CAMTA1: variants seen among roughly 807,000 people sequenced by gnomAD.
CAMTA1 encodes calmodulin binding transcription activator 1, also known as calmodulin-binding transcription activator 1.
In CAMTA1, 27 loss-of-function variants were observed where a neutral mutation model predicts 170.9. That is an observed-to-expected ratio of 0.16 (90% CI 0.12 to 0.22). CAMTA1 has a LOEUF of 0.22. Ranked by LOEUF, CAMTA1 falls within the 10% of genes least tolerant of loss-of-function variation. The pLI is 1.00. For synonymous variants in CAMTA1, 833 were observed against 891.5 expected, an observed-to-expected ratio of 0.93 and a Z score of 1.17; for missense variants, 1,619 against 2,217.2, an observed-to-expected ratio of 0.73 and a Z score of 5.42.
At chr1:6,806,636 A>G (rs1644539887) in intron 1 of CAMTA1, among the ~76,000 whole-genome samples, 2 of 152,218 alleles carry the variant, frequency 1.3e-5, no homozygotes, top group African/African-American at 2.4e-5. Context: ...GAGAGCAAAC[A>G]GCTCTTCCAC....
chr1:6,862,165 G>A (rs1664959486), intron 3 of CAMTA1, among the ~76,000 whole-genome samples: 1 of 152,132 alleles, frequency 6.6e-6, no homozygotes, highest in African/African-American at 2.4e-5. Context: ...ATTTCACCAT[G>A]TTGGCCATGG....
rs941197346 is a variant in CAMTA1, at chr1:7,268,243, A to G, written c.438+18617A>G. On this transcript the variant is annotated intron_variant, in intron 5 of 22. Transcript: ENST00000303635. ...GAGACAAATGGAATCCATAGGGTAG[A>G]GTGCTGAAGAGTACAGAGGAGAAGG... 1.2e-4 allele frequency among the ~76,000 whole-genome samples: 15 copies of G among 126,038 alleles called. 1 individual carries two copies. The highest frequency in any genetic ancestry group is 2.3e-4 in the Non-Finnish European group (14 of 60,962). 82.7% of individuals were successfully genotyped at this position (126,038 alleles called of 152,430 possible).
chr1:7,704,758 C>A (rs958114367), intron 11 of CAMTA1, among the ~76,000 whole-genome samples: 9 of 147,744 alleles, frequency 6.1e-5, no homozygotes, highest in South Asian at 2.1e-4. Context: ...GCGAGTCGTT[C>A]CAGCTGCGGC....
chr1:7,508,689 T>C lies in CAMTA1; in HGVS notation c.510+40788T>C, dbSNP rs112604307. 7.0e-4 allele frequency among the ~76,000 whole-genome samples: 101 copies of C among 143,614 alleles called. 1 individual carries two copies. Among genetic ancestry groups the C allele is most frequent in the African/African-American group, 2.6e-3 (98 of 38,282 alleles). The allele number at this position is 143,614 out of a possible 152,430, so 94.2% of individuals were successfully genotyped here. ...GGGAGGAGGAAAGTGGGGCAAGAGA[T>C]GAAGAATGGAAGGAGGTTAGGAAGG... On this transcript the variant is annotated intron_variant, in intron 6 of 22. Transcript: ENST00000303635.
intron 5 of CAMTA1, among the ~76,000 whole-genome samples, chr1:7,451,649 C>G (rs1404635744): frequency 6.6e-6 from 1 of 152,110 alleles, no homozygotes; most frequent in Non-Finnish European, 1.5e-5. Context: ...AGGGAGGCCT[C>G]CCTTCCTCCT....
intron 3 of CAMTA1, among the ~76,000 whole-genome samples, chr1:7,073,639 A>G (rs1638928708): frequency 6.6e-6 from 1 of 152,218 alleles, no homozygotes. Flanking sequence ...CAATGAGGAG[A>G]GAGGGTTATC....
chr1:7,382,869 T>C (rs2149075999), intron 5 of CAMTA1: 1 of 146,752 alleles, frequency 6.8e-6, no homozygotes, highest in South Asian at 2.3e-4. Flanking sequence ...GATAGATAGA[T>C]AGATATTCCT....
intron 3 of CAMTA1, among the ~76,000 whole-genome samples, chr1:6,884,411 C>T (rs1378870854): frequency 6.6e-6 from 1 of 151,064 alleles, no homozygotes; most frequent in Non-Finnish European, 1.5e-5. Flanking sequence ...TATTTTTTAG[C>T]CTCGTAGGCC....
At position 6,820,235 on chromosome 1, in the gene CAMTA1, G is replaced by T; in HGVS notation, c.100G>T (p.Val34Leu). 6.2e-7 allele frequency: 1 copy of T among 1,613,940 alleles called. No homozygotes were observed. The highest frequency in any genetic ancestry group is 8.5e-7 in the Non-Finnish European group (1 of 1,179,854). The change falls in exon 2 of 23, where the codon GTG becomes TTG. Residue 34 changes from valine to leucine, a missense_variant. Coordinates refer to ENST00000303635, the MANE Select transcript of CAMTA1 (RefSeq NM_015215.4). ...TAGCACCTACTGTGTTCTCAACACC[G>T]TGCCACCTATAGAAGGTAGGATTTG... ...GTSTYCVLNT[V>L]PPIEDDHGNS...
intron 4 of CAMTA1, among the ~76,000 whole-genome samples, chr1:7,221,928 T>TAGACAC (rs561827052): frequency 3.2e-5 from 4 of 124,212 alleles, no homozygotes; most frequent in Admixed American, 7.7e-5. Context: ...CACACACACA[T>TAGACAC]ACACACACAC....
chr1:7,225,719 G>A (rs1661582344), intron 4 of CAMTA1, among the ~76,000 whole-genome samples: 1 of 152,200 alleles, frequency 6.6e-6, no homozygotes, highest in Non-Finnish European at 1.5e-5. Context: ...TTTGGAGAAG[G>A]TCACAGGCGC....
At chr1:7,008,054 G>A (rs757141569) in intron 3 of CAMTA1, among the ~76,000 whole-genome samples, 2 of 152,154 alleles carry the variant, frequency 1.3e-5, no homozygotes, top group Admixed American at 6.5e-5. Flanking sequence ...TGTTTCTCTG[G>A]GAAACAGGTT....
At chr1:6,984,693 C>T (rs1255547358) in intron 3 of CAMTA1, among the ~76,000 whole-genome samples, 1 of 152,214 alleles carries the variant, frequency 6.6e-6, no homozygotes, top group South Asian at 2.1e-4. Context: ...GGCCAGTGGC[C>T]GGATGGCCAT....
chr1:6,887,506 G>A lies in CAMTA1; in HGVS notation c.234+62296G>A, dbSNP rs531757950. The A allele has an allele frequency of 7.6e-6, 9 of 1,181,378 alleles. No homozygotes were observed. Among genetic ancestry groups the A allele is most frequent in the South Asian group, 6.2e-5 (4 of 64,864 alleles). 73.2% of individuals were successfully genotyped at this position (1,181,378 alleles called of 1,614,324 possible). On this transcript the variant is annotated intron_variant, in intron 3 of 22. Transcript: ENST00000303635. This position sits in a 1 kb window ranked among gnomAD's most constrained non-coding sequence, Gnocchi z 4.1. ...GATACATACCTGTTCATCTGTATAC[G>A]TATGTGTGTGTTTAATATATACTTT...
intron 4 of CAMTA1, among the ~76,000 whole-genome samples, chr1:7,157,168 C>T (rs1214049258): frequency 6.6e-6 from 1 of 151,548 alleles, no homozygotes; most frequent in African/African-American, 2.4e-5. Context: ...ACGGTGAAAC[C>T]CCATCTCTAC....
At chr1:7,662,668 A>C (rs1558078171) in intron 8 of CAMTA1, among the ~76,000 whole-genome samples, 1 of 152,168 alleles carries the variant, frequency 6.6e-6, no homozygotes, top group African/African-American at 2.4e-5. Flanking sequence ...GTACGTCTGA[A>C]ATGAGGAGCA....
intron 6 of CAMTA1, among the ~76,000 whole-genome samples, chr1:7,606,148 C>A (rs1487799829): frequency 1.3e-5 from 2 of 152,144 alleles, no homozygotes; most frequent in Non-Finnish European, 2.9e-5. Context: ...ATTGGTCAAG[C>A]CCCCAGCCCT....
At chr1:7,499,675 G>T (rs1016651292) in intron 6 of CAMTA1, among the ~76,000 whole-genome samples, 7 of 146,522 alleles carry the variant, frequency 4.8e-5, no homozygotes, top group Admixed American at 6.7e-5. Context: ...GCATGAGTGT[G>T]TGTGAACCTG....
At chr1:7,019,911 C>G (rs773076791) in intron 3 of CAMTA1, among the ~76,000 whole-genome samples, 2 of 152,232 alleles carry the variant, frequency 1.3e-5, no homozygotes, top group Non-Finnish European at 2.9e-5. Flanking sequence ...CAACAGCTCT[C>G]CTTTCTCCTC....
Sources: gnomAD v4.1 joint callset for allele counts (sites outside exome capture counted in the v4.1 genomes callset) on GRCh38, gnomAD v4.1.1 for gene constraint, Gnocchi (gnomAD v3.1) non-coding constraint, MANE v1.5 for transcripts, NCBI Gene and HGNC (gene_info 2026-07-23, HGNC 2026-07-21) for gene names.